Variants in STK3 observed in about 807,000 individuals in gnomAD.
The protein encoded by STK3 is serine/threonine kinase 3, also known as serine/threonine-protein kinase 3.
A neutral mutation model predicts 58.0 loss-of-function variants in STK3; 41 were observed. That is an observed-to-expected ratio of 0.71 (90% CI 0.55 to 0.92). STK3 has a LOEUF of 0.92. STK3 is among the 40% of genes least tolerant of loss of function. The pLI, the probability that STK3 is intolerant of heterozygous loss-of-function variation, is 0.00. For missense variants in STK3, 479 were observed against 602.7 expected, an observed-to-expected ratio of 0.79 and a Z score of 2.15; for synonymous variants, 170 against 191.0, an observed-to-expected ratio of 0.89 and a Z score of 0.91.
intron 4 of STK3, among the ~76,000 whole-genome samples, chr8:98,725,772 G>A (rs1827754032): frequency 6.6e-6 from 1 of 151,878 alleles, no homozygotes; most frequent in Non-Finnish European, 1.5e-5. Flanking sequence ...AGTAAAAAGT[G>A]GCAATTTACA....
chr8:98,374,992 C>T (rs1349665944), intron 2 of STK3, among the ~76,000 whole-genome samples: 1 of 152,000 alleles, frequency 6.6e-6, no homozygotes, highest in East Asian at 1.9e-4. Flanking sequence ...GTAATCCCAG[C>T]ACTTTGGGAG....
At chr8:98,781,698 A>G (rs1284146666) in intron 1 of STK3, among the ~76,000 whole-genome samples, 1 of 152,206 alleles carries the variant, frequency 6.6e-6, no homozygotes, top group African/African-American at 2.4e-5. Context: ...CCAAACCACA[A>G]GACAACTTGC....
At chr8:98,772,790 C>T (rs1439816101) in intron 2 of STK3, among the ~76,000 whole-genome samples, 2 of 152,202 alleles carry the variant, frequency 1.3e-5, no homozygotes, top group Admixed American at 6.5e-5. Flanking sequence ...TCTGCTCCCC[C>T]TTTGCCTTCT....
chr8:98,864,599 T>C (rs982039488), intron 3 of STK3, among the ~76,000 whole-genome samples: 1 of 152,248 alleles, frequency 6.6e-6, no homozygotes, highest in Admixed American at 6.5e-5. Context: ...TCCTTTTTCT[T>C]GGTTGATTCC....
intron 7 of STK3, among the ~76,000 whole-genome samples, chr8:98,590,090 G>C (rs532966134): frequency 6.6e-6 from 1 of 152,214 alleles, no homozygotes; most frequent in Non-Finnish European, 1.5e-5. Flanking sequence ...CTGTAGACCG[G>C]AGCTGTTCCT....
Position 98,857,401 on chromosome 8 carries a change from C to G in STK3, c.110+26246G>C, listed in dbSNP as rs535968094. Among the ~76,000 whole-genome samples, 162 of 150,130 alleles carry G rather than the reference C, an allele frequency of 1.1e-3. 3 individuals carry two copies. Among genetic ancestry groups the G allele is most frequent in the Admixed American group, 3.6e-3 (55 of 15,200 alleles). ...GTTAAAGGAGCATTCTCCAGCCTCT[C>G]GAAAACTGTTACTTGGGAGCTTAGA... On this transcript the variant is annotated intron_variant, in intron 3 of 12. Coordinates refer to the STK3 transcript ENST00000523601.
chr8:98,609,991 G>A (rs1271953416), intron 6 of STK3, among the ~76,000 whole-genome samples: 2 of 151,000 alleles, frequency 1.3e-5, no homozygotes, highest in Non-Finnish European at 3.0e-5. Context: ...AGAAATAATT[G>A]ACATATATCA....
chr8:98,348,417 C>T, the STK3 span, among the ~76,000 whole-genome samples: 1 of 152,134 alleles, frequency 6.6e-6, no homozygotes, highest in Admixed American at 6.5e-5. Flanking sequence ...AATTGATAAA[C>T]TGGTGTTTAC....
At chr8:98,373,730 T>G (rs1197368455) in intron 2 of STK3, among the ~76,000 whole-genome samples, 1 of 152,180 alleles carries the variant, frequency 6.6e-6, no homozygotes, top group Non-Finnish European at 1.5e-5. Context: ...TATCTGCTTC[T>G]TTTCTTTCCT....
At chr8:98,934,729 A>G (rs1472208040) in intron 1 of STK3, among the ~76,000 whole-genome samples, 1 of 152,164 alleles carries the variant, frequency 6.6e-6, no homozygotes, top group Non-Finnish European at 1.5e-5. Flanking sequence ...CAGCCTGGCC[A>G]ACATGGTGAA....
intron 1 of STK3, among the ~76,000 whole-genome samples, chr8:98,819,921 T>A (rs1834777942): frequency 6.6e-6 from 1 of 152,176 alleles, no homozygotes; most frequent in Non-Finnish European, 1.5e-5. Context: ...CCACTTCCAT[T>A]CATAAGCGCT....
intron 10 of STK3, among the ~76,000 whole-genome samples, chr8:98,507,790 T>G (rs1433645481): frequency 6.6e-6 from 1 of 152,168 alleles, no homozygotes; most frequent in East Asian, 1.9e-4. Context: ...TGCTGGTCCC[T>G]CTACTTGGAA....
At chr8:98,563,327 A>C (rs1161719688) in intron 8 of STK3, among the ~76,000 whole-genome samples, 1 of 152,176 alleles carries the variant, frequency 6.6e-6, no homozygotes, top group Non-Finnish European at 1.5e-5. Flanking sequence ...ACCCATCTAG[A>C]ATAATAATGG....
intron 8 of STK3, among the ~76,000 whole-genome samples, chr8:98,567,508 T>C (rs1812591741): frequency 6.6e-6 from 1 of 152,218 alleles, no homozygotes; most frequent in Non-Finnish European, 1.5e-5. Context: ...CATTTACTTC[T>C]ATTCTAATCA....
At chr8:98,685,173 T>C (rs1823898513) in intron 6 of STK3, among the ~76,000 whole-genome samples, 1 of 152,164 alleles carries the variant, frequency 6.6e-6, no homozygotes, top group Non-Finnish European at 1.5e-5. Context: ...CCTAAAAAGA[T>C]GAAATGTAGT....
At chr8:98,774,094 C>T (rs1831505766) in intron 2 of STK3, among the ~76,000 whole-genome samples, 1 of 152,118 alleles carries the variant, frequency 6.6e-6, no homozygotes, top group Admixed American at 6.6e-5. Context: ...CCGCGACCGG[C>T]CTAGCTTATT....
At chr8:98,742,879 A>C (rs1829330642) in intron 4 of STK3, among the ~76,000 whole-genome samples, 1 of 152,096 alleles carries the variant, frequency 6.6e-6, no homozygotes, top group East Asian at 1.9e-4. Context: ...AACTTCAGCA[A>C]AGTCTCAGGA....
intron 6 of STK3, among the ~76,000 whole-genome samples, chr8:98,667,825 T>C (rs779659473): frequency 2.6e-5 from 4 of 152,050 alleles, no homozygotes; most frequent in Admixed American, 6.5e-5. Flanking sequence ...AACTACAATC[T>C]TCAATGTTAA....
At chr8:98,872,159 A>G (rs551699257) in intron 3 of STK3, among the ~76,000 whole-genome samples, 1 of 152,268 alleles carries the variant, frequency 6.6e-6, no homozygotes, top group African/African-American at 2.4e-5. Context: ...TGATTTGCGT[A>G]TGTTTAACCA....
Sources: gnomAD v4.1 joint callset for allele counts (sites outside exome capture counted in the v4.1 genomes callset) on GRCh38, gnomAD v4.1.1 for gene constraint, MANE v1.5 for transcripts, NCBI Gene and HGNC (gene_info 2026-07-23, HGNC 2026-07-21) for gene names.